Variants in PLCE1 observed in about 807,000 individuals in gnomAD.
PLCE1 encodes phospholipase C epsilon 1.
Under a neutral mutation model 242.8 loss-of-function variants are expected in PLCE1, and 119 were observed. The ratio of observed to expected loss-of-function variants is 0.49; its 90% CI spans 0.42 to 0.57. The LOEUF (loss-of-function observed/expected upper bound fraction) is 0.57. PLCE1 is among the 20% of genes least tolerant of loss of function. The pLI is 0.00. For missense variants in PLCE1, 2,441 were observed against 2,788.8 expected (o/e 0.88, Z 2.81); for synonymous variants, 945 against 1,017.4 (o/e 0.93, Z 1.35).
chr10:94,252,299 A>G lies in PLCE1; in HGVS notation c.3097-17A>G. ...CTTGATGCTTCCTATTGTGTTCACC[A>G]TGTGGCTCTTTCACAGGAGGATGGA... is the stretch of plus-strand genomic sequence containing the variant. On this transcript the variant is annotated splice_polypyrimidine_tract_variant and intron_variant, in intron 8 of 32. Transcript: ENST00000371380. 1 of 1,612,468 alleles carries G rather than the reference A, an allele frequency of 6.2e-7. No individual in the cohort carries two copies. Among genetic ancestry groups the G allele is most frequent in the East Asian group, 2.2e-5 (1 of 44,860 alleles).
intron 1 of PLCE1, among the ~76,000 whole-genome samples, chr10:94,009,758 G>C (rs947272542): frequency 2.0e-5 from 3 of 152,222 alleles, no homozygotes; most frequent in Admixed American, 6.5e-5. Context: ...AAACCTTAAA[G>C]CTCCAATATA....
chr10:94,301,492 A>C lies in PLCE1; in HGVS notation c.5458+2823A>C, dbSNP rs183128822. 2.0e-4 allele frequency among the ~76,000 whole-genome samples: 30 copies of C among 152,264 alleles called. 1 individual carries two copies. The East Asian group carries it at 5.2e-3, about 26-fold the overall frequency. On this transcript the variant is annotated intron_variant, in intron 24 of 32. Transcript: ENST00000371380. The stretch of plus-strand genomic sequence containing the variant: ...ATTTTCCATGAAGCATCCCAACTAA[A>C]TAGCAGAGAAACCCTCCCAGGGCCA...
At chr10:94,000,315 A>G (rs1025219009) in intron 1 of PLCE1, among the ~76,000 whole-genome samples, 1 of 152,042 alleles carries the variant, frequency 6.6e-6, no homozygotes, top group African/African-American at 2.4e-5. Flanking sequence ...AGGTTCATTT[A>G]TATCTGGCCT....
intron 2 of PLCE1, chr10:94,089,139 G>A (rs1216071837): frequency 1.9e-6 from 3 of 1,613,880 alleles, no homozygotes; most frequent in African/African-American, 2.7e-5. Flanking sequence ...TTGCAGGAAT[G>A]GAAGAGGTGA....
At chr10:94,156,862 G>GA (rs1411541877) in intron 3 of PLCE1, among the ~76,000 whole-genome samples, 2 of 151,928 alleles carry the variant, frequency 1.3e-5, no homozygotes, top group East Asian at 1.9e-4. Context: ...CCATATATTA[G>GA]AAAAAAACAT....
At chr10:94,316,071 T>C (rs889081531) in intron 28 of PLCE1, among the ~76,000 whole-genome samples, 1 of 152,160 alleles carries the variant, frequency 6.6e-6, no homozygotes, top group Admixed American at 6.5e-5. Flanking sequence ...TTAAGCACAC[T>C]GTCAGAAGTT....
chr10:94,126,858 AT>A (rs936964384), intron 2 of PLCE1, among the ~76,000 whole-genome samples: 2 of 152,196 alleles, frequency 1.3e-5, no homozygotes, highest in Non-Finnish European at 2.9e-5. Flanking sequence ...TAACAACAGC[AT>A]TGTAAACATC....
rs568779531 is a variant in PLCE1, at chr10:94,277,082, C to T, written c.4666-2700C>T. Among the ~76,000 whole-genome samples, 3 of 152,252 alleles carry T rather than the reference C, an allele frequency of 2.0e-5. No homozygotes were observed. The South Asian group carries it at 6.2e-4, about 32-fold the overall frequency. ...CCGGAGTCATTTCCCATACAAAGAACTCACCCTCAGCAAGGATGGATTGAC... is the reference window on the plus strand; with the variant it reads ...CCGGAGTCATTTCCCATACAAAGAATTCACCCTCAGCAAGGATGGATTGAC... On this transcript the variant is annotated intron_variant, in intron 19 of 32. Transcript: ENST00000371380.
chr10:94,025,139 T>C (rs1394656386), intron 1 of PLCE1, among the ~76,000 whole-genome samples: 4 of 152,076 alleles, frequency 2.6e-5, no homozygotes, highest in African/African-American at 4.8e-5. Context: ...CTGGCTATCA[T>C]GCCTTTCTTC....
intron 29 of PLCE1, among the ~76,000 whole-genome samples, chr10:94,321,312 T>G (rs548727383): frequency 1.3e-5 from 2 of 152,308 alleles, no homozygotes; most frequent in Middle Eastern, 6.8e-3. Flanking sequence ...TTTCTACAAA[T>G]TTACCTACAG....
At chr10:94,319,922 T>G (rs1411329607) in intron 29 of PLCE1, among the ~76,000 whole-genome samples, 6 of 135,248 alleles carry the variant, frequency 4.4e-5, no homozygotes, top group Admixed American at 2.7e-4. Context: ...CAGGCTGGAG[T>G]GCAGTGGCGC....
intron 23 of PLCE1, among the ~76,000 whole-genome samples, chr10:94,295,324 A>G (rs984607429): frequency 6.6e-6 from 1 of 152,188 alleles, no homozygotes; most frequent in African/African-American, 2.4e-5. Context: ...AACAATGTTC[A>G]CAGGATCTTC....
At chr10:94,043,630 G>A (rs1384863028) in intron 2 of PLCE1, among the ~76,000 whole-genome samples, 2 of 152,114 alleles carry the variant, frequency 1.3e-5, no homozygotes, top group Non-Finnish European at 2.9e-5. Context: ...TAACTCCTTA[G>A]CCTTGAGAAA....
rs1247176553 is a variant in PLCE1 at position 94,328,216 on chromosome 10, C to T, written c.*273C>T. The T allele has an allele frequency of 3.4e-6, 1 of 294,958 alleles. No homozygotes were observed. Among genetic ancestry groups the T allele is most frequent in the Non-Finnish European group, 7.1e-6 (1 of 140,634 alleles). The allele number at this position is 294,958 out of a possible 1,614,324, so 18.3% of individuals were successfully genotyped here. A position where few individuals can be genotyped will look rare whatever the true frequency, so the allele number is the denominator to read the frequency against. ...AAAATCGTCACGAATTGACTTAGAG[C>T]AAGGGTCAGCAAGCTTGTCTGTAAA... On this transcript the variant is annotated 3_prime_UTR_variant, in exon 33 of 33. Transcript: ENST00000371380.
chr10:94,022,221 A>G (rs969492746), intron 1 of PLCE1, among the ~76,000 whole-genome samples: 3 of 152,030 alleles, frequency 2.0e-5, no homozygotes, highest in African/African-American at 4.8e-5. Flanking sequence ...TCTATAAATA[A>G]CAATTGTATT....
At position 94,236,065 on chromosome 10, in the gene PLCE1, C is replaced by G. The variant is rs201028754; in HGVS notation, c.2365C>G (p.Pro789Ala). 4 of 1,613,926 alleles carry G rather than the reference C, an allele frequency of 2.5e-6. No homozygotes were observed. The South Asian group carries it at 4.4e-5, about 18-fold the overall frequency. The change falls in exon 7 of 33, where the codon CCC (proline) becomes GCC (alanine). Residue 789 changes from proline (P) to alanine (A), a missense_variant. By Grantham distance (27) the Pro-to-Ala change is conservative. This residue lies in a region of PLCE1 where 733 missense variants were observed against 754.2 expected (regional missense o/e 0.97). Transcript: ENST00000371380. Reference protein sequence around the residue: ...RSLETDEEDSPSEGNSSRKSS... With the variant: ...RSLETDEEDSASEGNSSRKSS... ...TCTGGAGACAGACGAGGAGGACAGC[C>G]CCAGTGAAGGAAACAGCTCCAGGAA...
chr10:94,184,811 G>A (rs989846781), intron 4 of PLCE1, among the ~76,000 whole-genome samples: 3 of 151,396 alleles, frequency 2.0e-5, no homozygotes, highest in African/African-American at 4.9e-5. Flanking sequence ...CCTTGGTCAT[G>A]TCTTAGCTCA....
intron 14 of PLCE1, among the ~76,000 whole-genome samples, chr10:94,265,361 C>A (rs2051475876): frequency 6.6e-6 from 1 of 152,188 alleles, no homozygotes; most frequent in African/African-American, 2.4e-5. Flanking sequence ...CCATTTTCAC[C>A]TGGATAAACT....
chr10:94,235,721 A>C, intron 6 of PLCE1, 194 bp from the exon 7 acceptor site: 2 of 984,112 alleles, frequency 2.0e-6, no homozygotes, highest in Non-Finnish European at 2.4e-6. Flanking sequence ...AAGTTGTCTC[A>C]GTGGAAACAA....
Sources: gnomAD v4.1 joint callset for allele counts (sites outside exome capture counted in the v4.1 genomes callset) on GRCh38, gnomAD v4.1.1 for gene constraint, gnomAD v4.1.1 regional missense constraint, MANE v1.5 for transcripts, NCBI Gene and HGNC (gene_info 2026-07-23, HGNC 2026-07-21) for gene names.